PAWR: variants seen among roughly 807,000 people sequenced by gnomAD.
PAWR encodes PRKC apoptosis WT1 regulator protein.
A neutral mutation model predicts 32.0 loss-of-function variants in PAWR; 23 were observed. That is an observed-to-expected ratio of 0.72 (90% CI 0.52 to 1.02). The LOEUF is 1.02. Ranked by LOEUF, PAWR falls within the 50% of genes least tolerant of loss-of-function variation. The pLI is 0.00. For missense variants in PAWR, 457 were observed against 437.7 expected (o/e 1.04, Z -0.39); for synonymous variants, 226 against 187.1 (o/e 1.21, Z -1.70).
intron 2 of PAWR, among the ~76,000 whole-genome samples, chr12:79,624,229 T>C (rs1875169667): frequency 6.6e-6 from 1 of 152,156 alleles, no homozygotes; most frequent in Admixed American, 6.5e-5. Flanking sequence ...CTATTTTATT[T>C]GTCTTTGTTT....
intron 2 of PAWR, among the ~76,000 whole-genome samples, chr12:79,664,015 A>G (rs1265799128): frequency 6.6e-6 from 1 of 152,214 alleles, no homozygotes; most frequent in Non-Finnish European, 1.5e-5. Flanking sequence ...GAAATTGCCA[A>G]TGTGCCAATG....
At chr12:79,613,106 C>T (rs570670216) in intron 4 of PAWR, among the ~76,000 whole-genome samples, 1 of 152,176 alleles carries the variant, frequency 6.6e-6, no homozygotes, top group Non-Finnish European at 1.5e-5. Context: ...TTTCTCTCTG[C>T]CATGTGAGGA....
At chr12:79,626,320 C>T (rs1241084197) in intron 2 of PAWR, among the ~76,000 whole-genome samples, 3 of 148,220 alleles carry the variant, frequency 2.0e-5, no homozygotes, top group East Asian at 2.0e-4. Flanking sequence ...AGTGCAGTGG[C>T]GTGATCTCGG....
intron 2 of PAWR, among the ~76,000 whole-genome samples, chr12:79,643,059 G>A (rs8176832): frequency 6.6e-6 from 1 of 151,912 alleles, no homozygotes; most frequent in Admixed American, 6.6e-5. Flanking sequence ...TTCACATTTC[G>A]TATTACAAAG....
At chr12:79,638,943 T>TA (rs1238685883) in intron 2 of PAWR, among the ~76,000 whole-genome samples, 1 of 115,970 alleles carries the variant, frequency 8.6e-6, no homozygotes, top group East Asian at 2.9e-4. Context: ...GATGGAGTCT[T>TA]ACTCTGTCGC....
At chr12:79,681,131 G>A (rs1878422553) in intron 2 of PAWR, among the ~76,000 whole-genome samples, 1 of 139,830 alleles carries the variant, frequency 7.2e-6, no homozygotes, top group Non-Finnish European at 1.6e-5. Flanking sequence ...GAAGAAGGGA[G>A]GGGAGGGGAG....
intron 2 of PAWR, among the ~76,000 whole-genome samples, chr12:79,631,822 G>GA (rs1346151361): frequency 6.6e-6 from 1 of 151,980 alleles, no homozygotes; most frequent in Non-Finnish European, 1.5e-5. Flanking sequence ...AAAATAATCT[G>GA]AAAAAACATT....
chr12:79,593,207 C>G (rs1873620039), intron 6 of PAWR, among the ~76,000 whole-genome samples: 1 of 152,152 alleles, frequency 6.6e-6, no homozygotes, highest in South Asian at 2.1e-4. Context: ...GGTGACAAAA[C>G]TGAGGCCTAC....
chr12:79,585,776 T>C lies in PAWR; in HGVS notation c.*6831A>G. On this transcript the variant is annotated 3_prime_UTR_variant, in exon 7 of 7. Transcript: ENST00000328827. ...CCCAGGCTGGAGTGCAGTGGTGTGATCTTGGCTCACTGCAGTCTCGACCTC... is the reference window on the plus strand; with the variant it reads ...CCCAGGCTGGAGTGCAGTGGTGTGACCTTGGCTCACTGCAGTCTCGACCTC... 6.6e-6 allele frequency: 1 copy of C among 152,652 alleles called. No individual in the cohort carries two copies. The highest frequency in any genetic ancestry group is 1.5e-5 in the Non-Finnish European group (1 of 68,316). The allele number at this position is 152,652 out of a possible 1,614,324, so 9.5% of individuals were successfully genotyped here. A position where few individuals can be genotyped will look rare whatever the true frequency, so the allele number is the denominator to read the frequency against.
Position 79,607,700 on chromosome 12 carries a change from G to T in PAWR, c.683+5875C>A, listed in dbSNP as rs1437132028. The stretch of plus-strand genomic sequence containing the variant: ...GCCATGATTACACTACTGCACTCCA[G>T]CCTGGGCATCGGAGTGAGACCTTGT... On this transcript the variant is annotated intron_variant, in intron 4 of 6. Coordinates refer to ENST00000328827, the MANE Select transcript of PAWR (RefSeq NM_002583.4). 8.1e-5 allele frequency among the ~76,000 whole-genome samples: 12 copies of T among 148,246 alleles called. 1 individual carries two copies. The highest frequency in any genetic ancestry group is 3.0e-5 in the Non-Finnish European group (2 of 67,424).
chr12:79,659,914 G>A (rs1037223822), intron 2 of PAWR, among the ~76,000 whole-genome samples: 12 of 152,000 alleles, frequency 7.9e-5, no homozygotes, highest in African/African-American at 2.7e-4. Flanking sequence ...TAAAGGGGGT[G>A]GGGAAAGAAG....
Position 79,690,120 on chromosome 12 carries a change from G to T in PAWR, c.125C>A (p.Pro42Gln). The T allele has an allele frequency of 1.3e-6, 2 of 1,486,590 alleles. No individual in the cohort carries two copies. The highest frequency in any genetic ancestry group is 8.9e-7 in the Non-Finnish European group (1 of 1,118,018). 92.1% of individuals were successfully genotyped at this position (1,486,590 alleles called of 1,614,324 possible). A position where few individuals can be genotyped will look rare whatever the true frequency, so the allele number is the denominator to read the frequency against. Residue 42 changes from proline to glutamine, a missense_variant, in exon 2 of 7, where the codon CCG becomes CAG. Transcript: ENST00000328827. The part of the protein sequence containing the change: ...AKQNPPGPAP[P>Q]GGGSSDAAGK... The stretch of plus-strand genomic sequence containing the variant: ...AGCGGCGTCGCTGCTGCCCCCTCCC[G>T]GGGGGGCCGGGCCCGGGGGGTTCTG...
At chr12:79,623,618 GA>G (rs1021980244) in intron 2 of PAWR, among the ~76,000 whole-genome samples, 106 of 140,012 alleles carry the variant, frequency 7.6e-4, no homozygotes, top group African/African-American at 3.2e-3. Flanking sequence ...GTACGTGCAT[GA>G]AAAAAGCTAT....
At chr12:79,606,751 T>C (rs1349790204) in intron 4 of PAWR, among the ~76,000 whole-genome samples, 4 of 152,188 alleles carry the variant, frequency 2.6e-5, no homozygotes, top group Non-Finnish European at 5.9e-5. Flanking sequence ...TACCATGAGG[T>C]AATGCAACAT....
intron 2 of PAWR, among the ~76,000 whole-genome samples, chr12:79,650,899 T>C (rs2136796620): frequency 6.6e-6 from 1 of 152,288 alleles, no homozygotes; most frequent in African/African-American, 2.4e-5. Flanking sequence ...TACTGCGTGC[T>C]TTCATTTTGA....
chr12:79,639,881 T>TTCCCATTCCCATTCCCATTGCCATTCC (rs1876215099), intron 2 of PAWR, among the ~76,000 whole-genome samples: 1 of 112,502 alleles, frequency 8.9e-6, no homozygotes, highest in African/African-American at 5.1e-5. Context: ...TTCCTATTCC[T>TTCCCATTCCCATTCCCATTGCCATTCC]ATTCCATTCC....
intron 4 of PAWR, among the ~76,000 whole-genome samples, chr12:79,611,081 G>C (rs1393218145): frequency 6.7e-6 from 1 of 148,788 alleles, no homozygotes; most frequent in Non-Finnish European, 1.5e-5. Context: ...ACATTCAAAT[G>C]AATCTTCTGG....
chr12:79,602,418 G>A (rs933511535), intron 4 of PAWR, among the ~76,000 whole-genome samples: 7 of 152,112 alleles, frequency 4.6e-5, no homozygotes. Flanking sequence ...AATATATTGG[G>A]AGATGAGCTA....
chr12:79,659,861 T>A lies in PAWR; in HGVS notation c.516+29868A>T, dbSNP rs1877266218. ...AAGGAAATATTTGGATTTAAAAGAC[T>A]ACAGACTCCCCAAAAGTAGTTTTTG... On this transcript the variant is annotated intron_variant, in intron 2 of 6. Coordinates refer to ENST00000328827, the MANE Select transcript of PAWR (RefSeq NM_002583.4). Among the ~76,000 whole-genome samples the A allele has an allele frequency of 2.6e-5, 4 of 152,162 alleles. No individual in the cohort carries two copies. In the South Asian group the frequency reaches 8.3e-4, roughly 32 times the overall value.
Sources: gnomAD v4.1 joint callset for allele counts (sites outside exome capture counted in the v4.1 genomes callset) on GRCh38, gnomAD v4.1.1 for gene constraint, MANE v1.5 for transcripts, NCBI Gene and HGNC (gene_info 2026-07-23, HGNC 2026-07-21) for gene names.